The following TUSC3 variants were observed in gnomAD, a reference collection of about 807,000 sequenced individuals.
The protein encoded by TUSC3 is tumor suppressor candidate 3, also known as dolichyl-diphosphooligosaccharide--protein glycosyltransferase subunit TUSC3.
In TUSC3, 45 loss-of-function variants were observed where a neutral mutation model predicts 44.8. That is an observed-to-expected ratio of 1.00 (90% CI 0.79 to 1.29). TUSC3 has a LOEUF of 1.29. Among genes scored for constraint, TUSC3 ranks in the 50% most tolerant of loss-of-function variants. The pLI, the probability that TUSC3 is intolerant of heterozygous loss-of-function variation, is 0.00. For synonymous variants in TUSC3, 212 were observed against 152.9 expected, an observed-to-expected ratio of 1.39 and a Z score of -2.85; for missense variants, 519 against 437.9, an observed-to-expected ratio of 1.19 and a Z score of -1.65.
At chr8:15,472,229 C>G (rs911036567) in intron 1 of TUSC3, among the ~76,000 whole-genome samples, 6 of 152,020 alleles carry the variant, frequency 3.9e-5, no homozygotes, top group Non-Finnish European at 7.4e-5. Flanking sequence ...AATAAATTTC[C>G]CTTTCTATGG....
intron 1 of TUSC3, among the ~76,000 whole-genome samples, chr8:15,467,917 T>C (rs2129122613): frequency 6.6e-6 from 1 of 152,304 alleles, no homozygotes. Context: ...AAAATAAGCA[T>C]TTAACTTTAT....
At position 15,623,197 on chromosome 8, in the gene TUSC3, A is replaced by G. The variant is rs1262917934; in HGVS notation, c.256A>G (p.Met86Val). The change falls in exon 2 of 11, where the codon ATG (methionine) becomes GTG (valine). Residue 86 changes from methionine (M) to valine (V), a missense_variant. By Grantham distance (21) the Met-to-Val change is conservative (BLOSUM62 1). Coordinates refer to ENST00000503731, the MANE Select transcript of TUSC3 (RefSeq NM_006765.4). Reference protein sequence around the residue: ...FIKAPPRNYSMIVMFTALQPQ... With the variant: ...FIKAPPRNYSVIVMFTALQPQ... ...AAAGGCACCACCTCGAAACTATTCC[A>G]TGATTGTTATGTTCACTGCTCTTCA... is the stretch of plus-strand genomic sequence containing the variant. 2.5e-6 allele frequency: 4 copies of G among 1,613,468 alleles called. No homozygotes were observed. The South Asian group carries it at 3.3e-5, about 13-fold the overall frequency.
At chr8:15,601,117 G>C (rs181501432) in intron 1 of TUSC3, among the ~76,000 whole-genome samples, 174 of 151,798 alleles carry the variant, frequency 1.1e-3, no homozygotes, top group African/African-American at 4.1e-3. Flanking sequence ...AGTATCCATA[G>C]GTAGCAAGCT....
At chr8:15,593,382 G>A (rs757850728) in intron 1 of TUSC3, among the ~76,000 whole-genome samples, 2 of 152,016 alleles carry the variant, frequency 1.3e-5, no homozygotes, top group African/African-American at 4.8e-5. Context: ...CACCACACCC[G>A]GTCAGTATAT....
intron 1 of TUSC3, among the ~76,000 whole-genome samples, chr8:15,448,869 G>C (rs1231893428): frequency 6.6e-6 from 1 of 152,130 alleles, no homozygotes; most frequent in Non-Finnish European, 1.5e-5. Context: ...GATCATAGTA[G>C]AGGTGAAAAA....
chr8:15,627,250 C>G (rs1482291287), intron 2 of TUSC3, among the ~76,000 whole-genome samples: 1 of 152,192 alleles, frequency 6.6e-6, no homozygotes, highest in Non-Finnish European at 1.5e-5. Flanking sequence ...CTGCTGAGAG[C>G]TGAAGAGACT....
At chr8:15,566,566 A>G (rs1279245998) in intron 1 of TUSC3, among the ~76,000 whole-genome samples, 2 of 151,848 alleles carry the variant, frequency 1.3e-5, no homozygotes, top group African/African-American at 2.4e-5. Flanking sequence ...CAGAGGAGGT[A>G]TATGTACTTG....
rs57905950 is a variant in TUSC3 at position 15,443,336 on chromosome 8, TTGTGTGTGTGTGTG to T, written n.91+26063_91+26076del. Reference sequence around the variant, plus strand: ...GGTATACAACACCACACCCACCTAATTGTGTGTGTGTGTGTGTGTGTGTGTGTGTGTGTGTGTGT... The same window carrying T: ...GGTATACAACACCACACCCACCTAATTGTGTGTGTGTGTGTGTGTGTGTGT... On this transcript the variant is annotated intron_variant and non_coding_transcript_variant, in intron 1 of 5. Transcript: ENST00000503191. Among the ~76,000 whole-genome samples, 649 of 132,988 alleles carry T rather than the reference TTGTGTGTGTGTGTG, an allele frequency of 4.9e-3. 3 individuals carry two copies. Among genetic ancestry groups the T allele is most frequent in the African/African-American group, 0.012 (431 of 34,600 alleles). 87.2% of individuals were successfully genotyped at this position (132,988 alleles called of 152,430 possible).
chr8:15,541,748 A>T (rs927667009), intron 1 of TUSC3, among the ~76,000 whole-genome samples: 3 of 151,760 alleles, frequency 2.0e-5, no homozygotes, highest in Non-Finnish European at 2.9e-5. Flanking sequence ...TAAATTAATG[A>T]TTTTTTTTAG....
the TUSC3 span, among the ~76,000 whole-genome samples, chr8:15,840,973 A>G: frequency 3.9e-5 from 6 of 152,180 alleles, no homozygotes; most frequent in Non-Finnish European, 7.4e-5. Flanking sequence ...AGTGGTTGCT[A>G]GAGGACATGT....
intron 8 of TUSC3, 143 bp downstream of exon 8, chr8:15,743,755 T>C: frequency 3.3e-6 from 3 of 904,498 alleles, no homozygotes; most frequent in Non-Finnish European, 5.4e-6. Flanking sequence ...TTTTTTCTAT[T>C]GCTGGGATGT....
At chr8:15,822,892 GC>G in the TUSC3 span, among the ~76,000 whole-genome samples, 5 of 152,096 alleles carry the variant, frequency 3.3e-5, no homozygotes, top group Non-Finnish European at 7.4e-5. Flanking sequence ...GGGGGCAAAA[GC>G]TTGTTTGCAG....
intron 1 of TUSC3, among the ~76,000 whole-genome samples, chr8:15,422,951 T>C (rs1463231138): frequency 6.6e-6 from 1 of 152,134 alleles, no homozygotes; most frequent in Non-Finnish European, 1.5e-5. Flanking sequence ...CCAGTATTAA[T>C]TCACTTAATT....
chr8:15,694,959 G>C (rs753453264), intron 6 of TUSC3, among the ~76,000 whole-genome samples: 1 of 152,182 alleles, frequency 6.6e-6, no homozygotes, highest in Non-Finnish European at 1.5e-5. Flanking sequence ...TGAGGTATTG[G>C]GTGTGCTGGT....
the TUSC3 span, among the ~76,000 whole-genome samples, chr8:15,807,910 G>A: frequency 6.6e-6 from 1 of 152,144 alleles, no homozygotes; most frequent in Non-Finnish European, 1.5e-5. Flanking sequence ...TAACTTTTGG[G>A]TACTACATTC....
intron 1 of TUSC3, among the ~76,000 whole-genome samples, chr8:15,612,740 G>T (rs531806715): frequency 3.9e-5 from 6 of 152,174 alleles, no homozygotes; most frequent in African/African-American, 1.4e-4. Context: ...CAAGGATGGG[G>T]CTTTTTTGTT....
At chr8:15,537,663 T>C (rs1306410547), upstream of TUSC3, among the ~76,000 whole-genome samples, 1 of 152,084 alleles carries the variant, frequency 6.6e-6, no homozygotes, top group Non-Finnish European at 1.5e-5. Flanking sequence ...GGAGCGTAAC[T>C]TGGAAACTGA....
chr8:15,501,353 G>C (rs1255062689), intron 2 of TUSC3, among the ~76,000 whole-genome samples: 5 of 152,118 alleles, frequency 3.3e-5, no homozygotes, highest in Admixed American at 1.3e-4. Flanking sequence ...CAATTGTCCT[G>C]TCTTTGATGC....
intron 6 of TUSC3, among the ~76,000 whole-genome samples, chr8:15,713,321 A>G (rs1340931979): frequency 6.6e-6 from 1 of 152,186 alleles, no homozygotes. Context: ...TGTTTAATTT[A>G]CATGCTTGTA....
Sources: gnomAD v4.1 joint callset for allele counts (sites outside exome capture counted in the v4.1 genomes callset) on GRCh38, gnomAD v4.1.1 for gene constraint, MANE v1.5 for transcripts, NCBI Gene and HGNC (gene_info 2026-07-23, HGNC 2026-07-21) for gene names.